Variants in UNC80 observed in about 807,000 individuals in gnomAD.
The protein encoded by UNC80 is protein unc-80 homolog.
A neutral mutation model predicts 384.6 loss-of-function variants in UNC80; 164 were observed. That is an observed-to-expected ratio of 0.43 (90% confidence interval 0.38 to 0.49). UNC80 has a LOEUF of 0.49. Among genes scored for constraint, UNC80 ranks in the 20% least tolerant of loss-of-function variants. The probability of loss-of-function intolerance (pLI) is 0.00; values close to 1 mark genes in which losing one functional copy is unlikely to be tolerated. For synonymous variants in UNC80, 1,486 were observed against 1,527.8 expected (o/e 0.97, Z 0.64); for missense variants, 3,330 against 4,143.0 (o/e 0.80, Z 5.39).
At chr2:209,936,997 G>A (rs919872573) in intron 41 of UNC80, 64 bp downstream of exon 41, 1 of 1,137,080 alleles carries the variant, frequency 8.8e-7, no homozygotes, top group South Asian at 1.3e-5. Context: ...CTACCTGAGG[G>A]TGGCTCACAG....
intron 26 of UNC80, among the ~76,000 whole-genome samples, chr2:209,892,272 A>G (rs1440800806): frequency 6.6e-6 from 1 of 152,188 alleles, no homozygotes; most frequent in Non-Finnish European, 1.5e-5. Context: ...GGACTTGCTA[A>G]TTGATACAAA....
At chr2:209,990,338 C>A (rs759437746) in intron 61 of UNC80, among the ~76,000 whole-genome samples, 1 of 152,134 alleles carries the variant, frequency 6.6e-6, no homozygotes, top group Non-Finnish European at 1.5e-5. Flanking sequence ...ATTCTAGAAG[C>A]AATAAACTCA....
intron 58 of UNC80, among the ~76,000 whole-genome samples, 181 bp from the exon 59 acceptor site, chr2:209,978,348 A>G (rs2125018919): frequency 6.6e-6 from 1 of 152,308 alleles, no homozygotes; most frequent in South Asian, 2.1e-4. Context: ...TCAGTGGCCA[A>G]TATTGATTCT....
rs11288927 is a variant in UNC80 at position 209,989,159 on chromosome 2, C to CAA, written c.9315-2992_9315-2991dup. 5.0e-3 allele frequency among the ~76,000 whole-genome samples: 709 copies of CAA among 140,776 alleles called. 4 individuals carry two copies. The highest frequency in any genetic ancestry group is 0.011 in the Middle Eastern group (3 of 276). The allele number at this position is 140,776 out of a possible 152,430, so 92.4% of individuals were successfully genotyped here. Reference sequence around the variant, plus strand: ...GAAACCCTGTGTCTACAAAAAATACCAAAAAAAAAAAAAAAAGTATTCAGG... The same window carrying CAA: ...GAAACCCTGTGTCTACAAAAAATACCAAAAAAAAAAAAAAAAAAGTATTCAGG... On this transcript the variant is annotated intron_variant, in intron 61 of 64. Transcript: ENST00000673920.
At chr2:209,827,651 G>A (rs2080640144) in intron 14 of UNC80, among the ~76,000 whole-genome samples, 2 of 152,116 alleles carry the variant, frequency 1.3e-5, no homozygotes, top group Admixed American at 1.3e-4. Context: ...CATTGTCCAA[G>A]AGATATAAAT....
In UNC80 at chr2:209,912,551, T is replaced by A; in HGVS notation, c.4783-9T>A. 1.3e-6 allele frequency: 2 copies of A among 1,539,150 alleles called. No individual in the cohort carries two copies. Among genetic ancestry groups the A allele is most frequent in the Non-Finnish European group, 1.8e-6 (2 of 1,136,826 alleles). On this transcript the variant is annotated splice_polypyrimidine_tract_variant and intron_variant, in intron 29 of 64. Coordinates refer to ENST00000673920, the MANE Select transcript of UNC80 (RefSeq NM_001371986.1). ...ATCACTCTTCATTACATATCCCTGG[T>A]CTTTTCAGTGCTCAGATAAGTCATG... is the stretch of plus-strand genomic sequence containing the variant.
rs2091755654 is a variant in UNC80 at position 209,943,523 on chromosome 2, G to T, written c.7050+9G>T. On this transcript the variant is annotated intron_variant, in intron 45 of 64. Coordinates refer to ENST00000673920, the MANE Select transcript of UNC80 (RefSeq NM_001371986.1). The stretch of plus-strand genomic sequence containing the variant: ...CTCTCCTGGAATTTCCTGTAAGTAA[G>T]CTCTGTGGGAAAAAAAAATGAAGAC... 2 of 1,549,924 alleles carry T rather than the reference G, an allele frequency of 1.3e-6. No individual in the cohort carries two copies. The highest frequency in any genetic ancestry group is 1.7e-4 in the Middle Eastern group (1 of 5,976).
At chr2:209,920,984 C>A (rs948680380) in intron 33 of UNC80, among the ~76,000 whole-genome samples, 1 of 151,998 alleles carries the variant, frequency 6.6e-6, no homozygotes, top group Non-Finnish European at 1.5e-5. Context: ...TGCGCCACCA[C>A]GCCCAGCTAA....
At chr2:209,793,960 A>G in intron 7 of UNC80, 101 bp downstream of exon 7, 1 of 1,372,632 alleles carries the variant, frequency 7.3e-7, no homozygotes, top group Non-Finnish European at 1.0e-6. Context: ...TAAAATATGT[A>G]TTTGCATAAT....
chr2:209,937,076 G>A, intron 41 of UNC80, 143 bp downstream of exon 41: 1 of 615,982 alleles, frequency 1.6e-6, no homozygotes, highest in South Asian at 2.1e-5. Flanking sequence ...ACTATCAATG[G>A]GGCTTTTGAC....
intron 27 of UNC80, among the ~76,000 whole-genome samples, chr2:209,895,804 G>A (rs577478554): frequency 1.3e-5 from 2 of 152,144 alleles, no homozygotes; most frequent in African/African-American, 4.8e-5. Context: ...GGACATAATT[G>A]CTTCCAAATT....
Position 209,816,976 on chromosome 2 carries a change from G to A in UNC80, c.1403G>A (p.Arg468Lys), listed in dbSNP as rs2079787968. 1.3e-6 allele frequency: 2 copies of A among 1,551,712 alleles called. No individual in the cohort carries two copies. The highest frequency in any genetic ancestry group is 1.2e-5 in the South Asian group (1 of 84,060). ...CCATTCCACCACACAGGCAAGAGGA[G>A]GCCACGGAGAATGGGAGTGCCCTTC... ...SIPFHHTGKR[R>K]PRRMGVPFLL... The change falls in exon 10 of 65, where the codon AGG becomes AAG. Residue 468 changes from arginine to lysine, a missense_variant. By Grantham distance (26) the Arg-to-Lys change is conservative. This residue lies in a region of UNC80 where 937 missense variants were observed against 1,026.8 expected (regional missense o/e 0.91). Transcript: ENST00000673920.
At chr2:209,979,792 A>T (rs1401707085) in intron 59 of UNC80, among the ~76,000 whole-genome samples, 1 of 152,208 alleles carries the variant, frequency 6.6e-6, no homozygotes, top group East Asian at 1.9e-4. Flanking sequence ...ATGCCATATG[A>T]ATGAGAACAA....
intron 26 of UNC80, among the ~76,000 whole-genome samples, chr2:209,893,529 G>C (rs1214030509): frequency 1.3e-5 from 2 of 152,152 alleles, no homozygotes; most frequent in Non-Finnish European, 2.9e-5. Flanking sequence ...GCTCGGGGGG[G>C]TTGCACCATT....
At chr2:209,968,611 C>T (rs1469180763) in intron 52 of UNC80, 3 of 152,018 alleles carry the variant, frequency 2.0e-5, no homozygotes, top group Admixed American at 2.0e-4. Context: ...TTATTTATTT[C>T]AATGGCATGG....
chr2:209,978,114 G>A (rs1220136685), intron 58 of UNC80, among the ~76,000 whole-genome samples: 1 of 152,138 alleles, frequency 6.6e-6, no homozygotes, highest in Non-Finnish European at 1.5e-5. Context: ...GCATCGCGGG[G>A]TTCACATCAG....
chr2:209,976,079 C>G lies in UNC80; in HGVS notation c.8588-40C>G, dbSNP rs1003963266. 6.6e-7 allele frequency: 1 copy of G among 1,520,268 alleles called. No individual in the cohort carries two copies. 94.2% of individuals were successfully genotyped at this position (1,520,268 alleles called of 1,614,324 possible). On this transcript the variant is annotated intron_variant, in intron 56 of 64. Coordinates refer to ENST00000673920, the MANE Select transcript of UNC80 (RefSeq NM_001371986.1). This position sits in a 1 kb window ranked among gnomAD's most constrained non-coding sequence, Gnocchi z 4.3. ...ATGTAGGTTGGGTTCCTCGGAAGCA[C>G]ACGTCCGCAGGCTCATTTTTCTCTT...
At chr2:209,859,905 T>A (rs1401091941) in intron 22 of UNC80, among the ~76,000 whole-genome samples, 1 of 152,240 alleles carries the variant, frequency 6.6e-6, no homozygotes, top group Non-Finnish European at 1.5e-5. Context: ...TTTAAGTTCC[T>A]TGTAAATTCT....
intron 9 of UNC80, 68 bp from the exon 10 acceptor site, chr2:209,816,841 C>T: frequency 7.1e-7 from 1 of 1,411,028 alleles, no homozygotes; most frequent in Middle Eastern, 1.9e-4. Flanking sequence ...GATCATGGAG[C>T]CCCTTGGGAA....
Sources: gnomAD v4.1 joint callset for allele counts (sites outside exome capture counted in the v4.1 genomes callset) on GRCh38, gnomAD v4.1.1 for gene constraint, gnomAD v4.1.1 regional missense constraint, Gnocchi (gnomAD v3.1) non-coding constraint, MANE v1.5 for transcripts, NCBI Gene and HGNC (gene_info 2026-07-23, HGNC 2026-07-21) for gene names.